DENND4C: variants seen among roughly 807,000 people sequenced by gnomAD.
The protein encoded by DENND4C is DENN domain containing 4C.
In DENND4C, 108 loss-of-function variants were observed where a neutral mutation model predicts 203.0. That is an observed-to-expected ratio of 0.53 (90% CI 0.46 to 0.62). The LOEUF is 0.62. DENND4C is among the 20% of genes least tolerant of loss of function. DENND4C has a pLI of 0.00. For missense variants in DENND4C, 2,481 were observed against 2,301.2 expected (o/e 1.08, Z -1.60); for synonymous variants, 871 against 792.4 (o/e 1.10, Z -1.67).
At position 19,335,101 on chromosome 9, in the gene DENND4C, A is replaced by G. The variant is rs774534033; in HGVS notation, c.2585A>G (p.Asn862Ser). 6.3e-7 allele frequency: 1 copy of G among 1,593,068 alleles called. No individual in the cohort carries two copies. Among genetic ancestry groups the G allele is most frequent in the Non-Finnish European group, 8.5e-7 (1 of 1,170,394 alleles). The change falls in exon 18 of 33, where the codon AAT becomes AGT. Residue 862 changes from asparagine to serine, a missense_variant. Physicochemically the swap from Asn to Ser is conservative, Grantham distance 46. Transcript: ENST00000434457. ...KPNAITYGYYNKVVLESPWPS... is the reference protein window; with the variant it reads ...KPNAITYGYYSKVVLESPWPS... ...AATGCTATTACTTATGGTTATTATA[A>G]TAAGGTAAGTAGGATCGACATTAGG...
intron 12 of DENND4C, among the ~76,000 whole-genome samples, chr9:19,318,967 GA>G (rs1842301419): frequency 6.6e-6 from 1 of 152,004 alleles, no homozygotes; most frequent in East Asian, 1.9e-4. Flanking sequence ...TCAGGAGTTT[GA>G]GACCAGTCTG....
intron 13 of DENND4C, 89 bp downstream of exon 13, chr9:19,324,596 TA>T: frequency 7.4e-7 from 1 of 1,357,546 alleles, no homozygotes. Context: ...TAGAGTGATA[TA>T]AGGAAAACAG....
chr9:19,328,187 T>C (rs537955564), intron 16 of DENND4C, 25 bp downstream of exon 16: 1 of 1,586,354 alleles, frequency 6.3e-7, no homozygotes, highest in East Asian at 2.3e-5. Context: ...ATCTAATACA[T>C]GTTCATTTAA....
chr9:19,277,796 C>G (rs1019855243), intron 2 of DENND4C, among the ~76,000 whole-genome samples: 1 of 152,096 alleles, frequency 6.6e-6, no homozygotes, highest in Non-Finnish European at 1.5e-5. Context: ...GTAAATATTC[C>G]TTAAATACCA....
At position 19,342,848 on chromosome 9, in the gene DENND4C, G is replaced by T. The variant is rs902754381; in HGVS notation, c.3151+69G>T. 19 of 1,265,424 alleles carry T rather than the reference G, an allele frequency of 1.5e-5. No individual in the cohort carries two copies. In the African/African-American group the frequency reaches 2.8e-4, roughly 18 times the overall value. 78.4% of individuals were successfully genotyped at this position (1,265,424 alleles called of 1,614,324 possible). ...TTATAGACTCATATGTGTCTTTAAT[G>T]ACATTAAATTTTTGACTTAATTGTA... is the stretch of plus-strand genomic sequence containing the variant. On this transcript the variant is annotated intron_variant, in intron 22 of 32. Transcript: ENST00000434457.
intron 20 of DENND4C, among the ~76,000 whole-genome samples, chr9:19,339,998 C>T (rs1198388425): frequency 6.6e-6 from 1 of 152,080 alleles, no homozygotes; most frequent in Non-Finnish European, 1.5e-5. Flanking sequence ...TTTTTATGTC[C>T]TTTAGATATT....
At chr9:19,280,491 G>A (rs1833835421) in intron 2 of DENND4C, among the ~76,000 whole-genome samples, 1 of 152,046 alleles carries the variant, frequency 6.6e-6, no homozygotes, top group African/African-American at 2.4e-5. Context: ...TAAAATGGGT[G>A]TAAACACAGA....
At chr9:19,238,235 A>G (rs1312746097) in intron 1 of DENND4C, among the ~76,000 whole-genome samples, 4 of 151,684 alleles carry the variant, frequency 2.6e-5, no homozygotes, top group Non-Finnish European at 5.9e-5. Context: ...GGCATGCACC[A>G]CCATGCCCGG....
At position 19,374,015 on chromosome 9, in the gene DENND4C, TTTTTGCAACTCAAGACTTGGTACTAG is replaced by T. The variant is rs1285730524; in HGVS notation, c.*1847_*1872del. 2.0e-5 allele frequency among the ~76,000 whole-genome samples: 3 copies of T among 152,286 alleles called. No homozygotes were observed. The highest frequency in any genetic ancestry group is 4.1e-4 in the South Asian group (2 of 4,830). On this transcript the variant is annotated 3_prime_UTR_variant, in exon 33 of 33. Transcript: ENST00000434457. ...CTTTTGCACTGTCTGAGAGTATATA[TTTTTGCAACTCAAGACTTGGTACTAG>T]TTTTAATACTTAACACTTACTGACC...
At position 19,300,289 on chromosome 9, in the gene DENND4C, T is replaced by C. The variant is rs748354394; in HGVS notation, c.1269T>C (p.Leu423=). 1.9e-6 allele frequency: 3 copies of C among 1,609,532 alleles called. No homozygotes were observed. Among genetic ancestry groups the C allele is most frequent in the African/African-American group, 2.7e-5 (2 of 74,888 alleles). The change falls in exon 9 of 33, where the codon CTT becomes CTC. Residue 423 remains leucine (L), a synonymous_variant. Coordinates refer to ENST00000434457, the MANE Select transcript of DENND4C (RefSeq NM_001330640.2). The part of the protein sequence containing the change: ...LLESKILLHS[L]RPAVLTGVAE... ...AGAGTAAAATTCTGCTGCATTCTCT[T>C]AGGCCAGCTGTCTTGACTGGGGTAG...
At chr9:19,244,161 G>T (rs1357286317) in intron 1 of DENND4C, among the ~76,000 whole-genome samples, 1 of 152,142 alleles carries the variant, frequency 6.6e-6, no homozygotes, top group Non-Finnish European at 1.5e-5. Flanking sequence ...CTCCTGAGTA[G>T]CTGGGATTAC....
rs1056389138 is a variant in DENND4C at position 19,358,864 on chromosome 9, G to A, written c.5160+704G>A. ...TCAGATTTGGGGTTTTTGTGTTAGT[G>A]TTCATTTGCTTGTTTATTTTTGTAA... On this transcript the variant is annotated intron_variant, in intron 28 of 32. Transcript: ENST00000434457. This position sits in a 1 kb window ranked among gnomAD's most constrained non-coding sequence, Gnocchi z 4.8. Among the ~76,000 whole-genome samples the A allele has an allele frequency of 6.6e-6, 1 of 151,704 alleles. No homozygotes were observed. The highest frequency in any genetic ancestry group is 2.4e-5 in the African/African-American group (1 of 41,038).
intron 1 of DENND4C, among the ~76,000 whole-genome samples, chr9:19,233,912 A>C (rs1439971276): frequency 2.0e-5 from 3 of 152,200 alleles, no homozygotes; most frequent in African/African-American, 7.2e-5. Flanking sequence ...AAAAAATGTA[A>C]CATGATTAAA....
At chr9:19,357,735 ATCTACAATATG>A (rs1167034124) in intron 27 of DENND4C, 1 of 407,092 alleles carries the variant, frequency 2.5e-6, no homozygotes, top group Non-Finnish European at 4.4e-6. Context: ...ATACCTGTAT[ATCTACAATATG>A]TCATCTTCCC....
chr9:19,256,477 C>G (rs932770370), intron 1 of DENND4C, among the ~76,000 whole-genome samples: 1 of 151,410 alleles, frequency 6.6e-6, no homozygotes, highest in African/African-American at 2.4e-5. Context: ...CCACCACACC[C>G]GGCTAATTTT....
chr9:19,260,826 A>G (rs1417638791), intron 1 of DENND4C, among the ~76,000 whole-genome samples: 3 of 152,050 alleles, frequency 2.0e-5, no homozygotes, highest in African/African-American at 4.8e-5. Flanking sequence ...ATGTGATCCT[A>G]TTTACCTATT....
intron 1 of DENND4C, among the ~76,000 whole-genome samples, chr9:19,233,279 G>A (rs1272946859): frequency 6.6e-6 from 1 of 152,092 alleles, no homozygotes; most frequent in African/African-American, 2.4e-5. Context: ...CTTTATACTG[G>A]TGCCATAGAT....
chr9:19,363,162 G>A (rs1156765990), intron 30 of DENND4C, among the ~76,000 whole-genome samples: 1 of 152,136 alleles, frequency 6.6e-6, no homozygotes, highest in Non-Finnish European at 1.5e-5. Context: ...GTGTGTGCAT[G>A]CACATGCACA....
intron 1 of DENND4C, among the ~76,000 whole-genome samples, chr9:19,272,766 T>G (rs1254798293): frequency 6.6e-6 from 1 of 151,676 alleles, no homozygotes; most frequent in African/African-American, 2.4e-5. Context: ...TTTTTTATTT[T>G]TATTTTTATT....
Sources: gnomAD v4.1 joint callset for allele counts (sites outside exome capture counted in the v4.1 genomes callset) on GRCh38, gnomAD v4.1.1 for gene constraint, Gnocchi (gnomAD v3.1) non-coding constraint, MANE v1.5 for transcripts, NCBI Gene and HGNC (gene_info 2026-07-23, HGNC 2026-07-21) for gene names.